GMEB2: variants seen among roughly 807,000 people sequenced by gnomAD.
GMEB2 encodes glucocorticoid modulatory element-binding protein 2.
In GMEB2, 7 loss-of-function variants were observed where a neutral mutation model predicts 45.7. The observed-to-expected ratio is 0.15, with a 90% confidence interval of 0.09 to 0.29. GMEB2 has a LOEUF of 0.29. GMEB2 is among the 10% of genes least tolerant of loss of function. GMEB2 has a pLI of 1.00. For synonymous variants in GMEB2, 322 were observed against 323.6 expected (o/e 1.00, Z 0.05); for missense variants, 582 against 739.2 (o/e 0.79, Z 2.47).
In GMEB2 at chr20:63,588,705, G is replaced by C. The variant is rs947870106; in HGVS notation, c.*1384C>G. On this transcript the variant is annotated 3_prime_UTR_variant, in exon 10 of 10. Transcript: ENST00000370077. ...GTGGGACACAGGACCCTCGCATTGC[G>C]GGGCCTCAGACGGGCCTTCAACTGC... The C allele has an allele frequency of 2.5e-6, 1 of 398,430 alleles. No individual in the cohort carries two copies. The highest frequency in any genetic ancestry group is 2.1e-5 in the African/African-American group (1 of 48,650). 24.7% of individuals were successfully genotyped at this position (398,430 alleles called of 1,614,324 possible). A position where few individuals can be genotyped will look rare whatever the true frequency, so the allele number is the denominator to read the frequency against.
intron 3 of GMEB2, among the ~76,000 whole-genome samples, chr20:63,603,736 C>T (rs892537073): frequency 6.7e-6 from 1 of 150,310 alleles, no homozygotes; most frequent in Admixed American, 6.7e-5. Context: ...AGCAAGACTC[C>T]CTCTCAAAAA....
chr20:63,619,421 G>A lies in GMEB2; in HGVS notation c.-24C>T. Reference sequence around the variant, plus strand: ...ATGGCTCAGCGGAAGGGGACGCCCAGGCCAGCAGCGTCAGTCCTCCAGGGT... The same window carrying A: ...ATGGCTCAGCGGAAGGGGACGCCCAAGCCAGCAGCGTCAGTCCTCCAGGGT... On this transcript the variant is annotated 5_prime_UTR_variant, in exon 2 of 10. Coordinates refer to ENST00000370077, the MANE Select transcript of GMEB2 (RefSeq NM_012384.5). The surrounding 1 kb of genome is among the most constrained non-coding windows in gnomAD (Gnocchi z 4.6). 6.2e-6 allele frequency: 10 copies of A among 1,604,268 alleles called. No individual in the cohort carries two copies. Among genetic ancestry groups the A allele is most frequent in the Non-Finnish European group, 8.5e-6 (10 of 1,178,246 alleles).
intron 1 of GMEB2, among the ~76,000 whole-genome samples, chr20:63,625,130 G>A (rs965997208): frequency 6.6e-6 from 1 of 152,086 alleles, no homozygotes; most frequent in African/African-American, 2.4e-5. Context: ...AGAGCACCTC[G>A]CCCTATTGCC....
chr20:63,613,780 G>T (rs993027874), intron 2 of GMEB2, among the ~76,000 whole-genome samples: 1 of 152,144 alleles, frequency 6.6e-6, no homozygotes, highest in Non-Finnish European at 1.5e-5. Flanking sequence ...CCAAAGTGCT[G>T]GGATTACAGG....
chr20:63,612,560 T>C (rs1027409905), intron 2 of GMEB2, among the ~76,000 whole-genome samples: 1 of 152,228 alleles, frequency 6.6e-6, no homozygotes, highest in Non-Finnish European at 1.5e-5. Flanking sequence ...GTTTTGTAAC[T>C]TCCTACCAAG....
rs2083152106 is a variant in GMEB2, at chr20:63,592,085, C to T, written c.889G>A (p.Val297Met). The stretch of plus-strand genomic sequence containing the variant: ...ATCTGGCACTTGTGGCTGGCCAGCA[C>T]CTTCTTCACCAGGTCCAGCATGCCG... Reference protein sequence around the residue: ...NFGMLDLVKKVLASHKCQMDR... With the variant: ...NFGMLDLVKKMLASHKCQMDR... The change falls in exon 9 of 10, where the codon GTG becomes ATG. Residue 297 changes from valine to methionine, a missense_variant. Around this residue, in one of 3 missense-constraint regions of GMEB2, gnomAD observed 462 missense variants for 586.7 expected, o/e 0.79. Coordinates refer to ENST00000370077, the MANE Select transcript of GMEB2 (RefSeq NM_012384.5). This position sits in a 1 kb window ranked among gnomAD's most constrained non-coding sequence, Gnocchi z 8.2. 1 of 1,613,588 alleles carries T rather than the reference C, an allele frequency of 6.2e-7. No individual in the cohort carries two copies.
chr20:63,610,434 T>C (rs1197320375), intron 2 of GMEB2, among the ~76,000 whole-genome samples: 2 of 152,024 alleles, frequency 1.3e-5, no homozygotes, highest in East Asian at 3.9e-4. Flanking sequence ...GGCAAGAGAA[T>C]GGCGTGAACC....
chr20:63,625,566 A>G (rs1235666564), intron 1 of GMEB2, among the ~76,000 whole-genome samples: 1 of 151,246 alleles, frequency 6.6e-6, no homozygotes, highest in Non-Finnish European at 1.5e-5. Context: ...TTTCCAAATT[A>G]TTAGGTAAAT....
At chr20:63,622,854 G>C (rs895708116) in intron 1 of GMEB2, among the ~76,000 whole-genome samples, 1 of 152,190 alleles carries the variant, frequency 6.6e-6, no homozygotes, top group African/African-American at 2.4e-5. Context: ...AAAAGAAACC[G>C]TGGGGAGCTG....
Position 63,597,789 on chromosome 20 carries a change from C to T in GMEB2, c.429G>A (p.Lys143=), listed in dbSNP as rs1209706831. 6.2e-7 allele frequency: 1 copy of T among 1,610,194 alleles called. No homozygotes were observed. The highest frequency in any genetic ancestry group is 8.5e-7 in the Non-Finnish European group (1 of 1,176,472). ...LAGKSTLKDW[K]RAIRMNGIML... ...TGATGCCGTTCATGCGGATGGCTCT[C>T]TTCCAGTCCTTCAGGGTGGACTTCC... is the stretch of plus-strand genomic sequence containing the variant. The change falls in exon 5 of 10, where the codon AAG becomes AAA. Residue 143 remains lysine (K), a synonymous_variant. Coordinates refer to ENST00000370077, the MANE Select transcript of GMEB2 (RefSeq NM_012384.5).
chr20:63,606,162 T>C (rs8117886), intron 2 of GMEB2, among the ~76,000 whole-genome samples: 103 of 152,100 alleles, frequency 6.8e-4, no homozygotes, highest in African/African-American at 2.1e-3. Context: ...AACTAAATTG[T>C]AGACAAAAGG....
At chr20:63,597,600 G>C (rs537731751) in intron 5 of GMEB2, among the ~76,000 whole-genome samples, 157 bp downstream of exon 5, 1 of 152,224 alleles carries the variant, frequency 6.6e-6, no homozygotes, top group East Asian at 1.9e-4. Flanking sequence ...CGGGTTTACA[G>C]TTTTGGGTGT....
Position 63,593,877 on chromosome 20 carries a change from G to A in GMEB2, c.620-795C>T, listed in dbSNP as rs1316277229. On this transcript the variant is annotated intron_variant, in intron 6 of 9. Coordinates refer to ENST00000370077, the MANE Select transcript of GMEB2 (RefSeq NM_012384.5). The surrounding 1 kb of genome is among the most constrained non-coding windows in gnomAD (Gnocchi z 4.7). Reference sequence around the variant, plus strand: ...TCTCTACTAAAATACAAAGTCAACCGGGTGTGGCGGCGTGCGCCTGTAATC... The same window carrying A: ...TCTCTACTAAAATACAAAGTCAACCAGGTGTGGCGGCGTGCGCCTGTAATC... 4.6e-5 allele frequency among the ~76,000 whole-genome samples: 7 copies of A among 152,178 alleles called. 1 individual carries two copies. The highest frequency in any genetic ancestry group is 3.3e-4 in the Admixed American group (5 of 15,278).
chr20:63,591,293 C>T (rs749165008), intron 9 of GMEB2, among the ~76,000 whole-genome samples: 2 of 152,090 alleles, frequency 1.3e-5, no homozygotes, highest in Non-Finnish European at 2.9e-5. Flanking sequence ...AGTGAACACA[C>T]ACACTGAATA....
chr20:63,622,865 G>A (rs2089648742), intron 1 of GMEB2, among the ~76,000 whole-genome samples: 1 of 152,316 alleles, frequency 6.6e-6, no homozygotes, highest in East Asian at 1.9e-4. Flanking sequence ...TGGGGAGCTG[G>A]GTACCACCCG....
chr20:63,602,813 T>C (rs760484238), intron 4 of GMEB2, 152 bp downstream of exon 4: 6 of 670,434 alleles, frequency 8.9e-6, no homozygotes, highest in Non-Finnish European at 7.6e-6. Flanking sequence ...CCACAGCGAA[T>C]TCCTCTTCCT....
At chr20:63,622,756 A>G (rs2089648312) in intron 1 of GMEB2, among the ~76,000 whole-genome samples, 1 of 152,240 alleles carries the variant, frequency 6.6e-6, no homozygotes, top group Admixed American at 6.5e-5. Context: ...CAGAGATCCA[A>G]GGAACCAAGA....
Position 63,603,060 on chromosome 20 carries a change from C to A in GMEB2, c.262G>T (p.Ala88Ser), listed in dbSNP as rs752069493. ...CAGGTGATGGGGTACACAATCTCAG[C>A]TTCCAGGTTCTCCCCCTCTTCAGCC... is the stretch of plus-strand genomic sequence containing the variant. ...KMAEEGENLE[A>S]EIVYPITCGD... Residue 88 changes from alanine to serine, a missense_variant, in exon 4 of 10, where the codon GCT (alanine) becomes TCT (serine). Ala to Ser is a moderately conservative substitution (Grantham distance 99, BLOSUM62 1). Coordinates refer to ENST00000370077, the MANE Select transcript of GMEB2 (RefSeq NM_012384.5). 1 of 1,614,094 alleles carries A rather than the reference C, an allele frequency of 6.2e-7. No individual in the cohort carries two copies. Among genetic ancestry groups the A allele is most frequent in the Non-Finnish European group, 8.5e-7 (1 of 1,179,936 alleles).
At chr20:63,607,233 ACCCACCTCCATTTCTAGAAACATGC>A (rs2089527561) in intron 2 of GMEB2, among the ~76,000 whole-genome samples, 1 of 95,698 alleles carries the variant, frequency 1.0e-5, no homozygotes, top group African/African-American at 4.2e-5. Context: ...TGCCCCTCTG[ACCCACCTCCATTTCTAGAAACATGC>A]CCCTCTGACC....
Sources: gnomAD v4.1 joint callset for allele counts (sites outside exome capture counted in the v4.1 genomes callset) on GRCh38, gnomAD v4.1.1 for gene constraint, gnomAD v4.1.1 regional missense constraint, Gnocchi (gnomAD v3.1) non-coding constraint, MANE v1.5 for transcripts, NCBI Gene and HGNC (gene_info 2026-07-23, HGNC 2026-07-21) for gene names.